The following FUBP3 variants were observed in gnomAD, a reference collection of about 807,000 sequenced individuals.
FUBP3 encodes the protein far upstream element binding protein 3.
FUBP3 carries 28 observed loss-of-function variants against 85.6 expected under a neutral mutation model. The ratio of observed to expected loss-of-function variants is 0.33; its 90% CI spans 0.24 to 0.45. The LOEUF is 0.45. Ranked by LOEUF, FUBP3 falls within the 20% of genes least tolerant of loss-of-function variation. The pLI is 1.00. For missense variants in FUBP3, 583 were observed against 755.1 expected (o/e 0.77, Z 2.67); for synonymous variants, 271 against 271.4 (o/e 1.00, Z 0.01).
At chr9:130,621,074 A>G (rs1198763387) in intron 9 of FUBP3, among the ~76,000 whole-genome samples, 1 of 152,216 alleles carries the variant, frequency 6.6e-6, no homozygotes, top group Non-Finnish European at 1.5e-5. Flanking sequence ...ATGGTTACAC[A>G]ACATTGTGAA....
Position 130,622,827 on chromosome 9 carries a change from A to C in FUBP3, c.874+17A>C, listed in dbSNP as rs752156038. On this transcript the variant is annotated intron_variant, in intron 10 of 18. Coordinates refer to ENST00000319725, the MANE Select transcript of FUBP3 (RefSeq NM_003934.2). ...TTAAACCAGGTGGGTATGATGATTT[A>C]AAAATCCTTAGTGTTAAAAAAAAAA... The C allele has an allele frequency of 7.9e-7, 1 of 1,264,902 alleles. No homozygotes were observed. Among genetic ancestry groups the C allele is most frequent in the South Asian group, 1.3e-5 (1 of 75,502 alleles). 78.4% of individuals were successfully genotyped at this position (1,264,902 alleles called of 1,614,324 possible). A position where few individuals can be genotyped will look rare whatever the true frequency, so the allele number is the denominator to read the frequency against.
intron 1 of FUBP3, among the ~76,000 whole-genome samples, chr9:130,592,791 G>T (rs776647270): frequency 6.6e-6 from 1 of 152,076 alleles, no homozygotes; most frequent in Non-Finnish European, 1.5e-5. Context: ...CAGTCATCCC[G>T]CTTTGACCTC....
intron 9 of FUBP3, among the ~76,000 whole-genome samples, chr9:130,622,320 CAA>C (rs917479721): frequency 2.0e-4 from 9 of 44,342 alleles, no homozygotes; most frequent in South Asian, 7.4e-4. Flanking sequence ...ACTCCATCTC[CAA>C]AAAAAAAAAA....
At chr9:130,605,666 A>G (rs1831388996) in intron 2 of FUBP3, among the ~76,000 whole-genome samples, 1 of 152,224 alleles carries the variant, frequency 6.6e-6, no homozygotes, top group Non-Finnish European at 1.5e-5. Flanking sequence ...CACTCACAGA[A>G]GCTTACAGTA....
chr9:130,611,919 T>C (rs902071258), intron 3 of FUBP3, among the ~76,000 whole-genome samples: 1 of 152,180 alleles, frequency 6.6e-6, no homozygotes, highest in South Asian at 2.1e-4. Context: ...CATCGGATAC[T>C]GGTTCCATTT....
chr9:130,585,678 T>C (rs1052045223), intron 1 of FUBP3, among the ~76,000 whole-genome samples: 7 of 152,254 alleles, frequency 4.6e-5, no homozygotes, highest in Non-Finnish European at 1.5e-5. Context: ...GTTTCGTAAA[T>C]GTCCTGAAGT....
intron 1 of FUBP3, chr9:130,581,758 A>G (rs1343037608): frequency 2.0e-5 from 3 of 152,172 alleles, no homozygotes; most frequent in Non-Finnish European, 2.9e-5. Context: ...TTCCCCTTTT[A>G]TGTCTCCTCA....
chr9:130,582,941 T>A (rs1167451264), intron 1 of FUBP3, among the ~76,000 whole-genome samples: 1 of 152,178 alleles, frequency 6.6e-6, no homozygotes, highest in African/African-American at 2.4e-5. Flanking sequence ...TACTAATACT[T>A]TTTAGGACTT....
chr9:130,594,831 T>C (rs1417890484), intron 1 of FUBP3, among the ~76,000 whole-genome samples: 2 of 151,814 alleles, frequency 1.3e-5, no homozygotes, highest in Non-Finnish European at 2.9e-5. Flanking sequence ...GTGAGAAAAG[T>C]TAAACTTTTT....
chr9:130,603,362 A>C (rs1378814914), intron 2 of FUBP3, among the ~76,000 whole-genome samples: 17 of 145,136 alleles, frequency 1.2e-4, no homozygotes, highest in Admixed American at 5.4e-4. Context: ...AAAAAAAAAA[A>C]AAAAAACAAA....
chr9:130,622,684 G>A (rs372051728), intron 9 of FUBP3, 24 bp from the exon 10 acceptor site: 124 of 1,170,886 alleles, frequency 1.1e-4, no homozygotes, highest in Non-Finnish European at 1.4e-4. Flanking sequence ...AAGTTCTGAT[G>A]TGGTTTGGTT....
intron 2 of FUBP3, among the ~76,000 whole-genome samples, chr9:130,603,184 T>C (rs996928430): frequency 3.3e-5 from 5 of 151,916 alleles, no homozygotes; most frequent in Admixed American, 1.3e-4. Context: ...CAGTCTCTAC[T>C]AAAAATACAA....
intron 1 of FUBP3, among the ~76,000 whole-genome samples, chr9:130,590,184 T>C (rs1437424118): frequency 1.3e-5 from 2 of 152,134 alleles, no homozygotes; most frequent in South Asian, 4.1e-4. Flanking sequence ...AATGGAACTT[T>C]AAAAACATTC....
intron 16 of FUBP3, 157 bp from the exon 17 acceptor site, chr9:130,634,510 C>G (rs1830340333): frequency 1.6e-6 from 1 of 611,432 alleles, no homozygotes; most frequent in Non-Finnish European, 2.9e-6. Flanking sequence ...CTTCCCCCAG[C>G]CCTGCCAGCT....
intron 10 of FUBP3, 36 bp downstream of exon 10, chr9:130,622,846 A>G: frequency 9.9e-7 from 1 of 1,013,220 alleles, no homozygotes; most frequent in Non-Finnish European, 1.5e-6. Flanking sequence ...TAGTGTTAAA[A>G]AAAAAAAAAA....
intron 11 of FUBP3, 147 bp from the exon 12 acceptor site, chr9:130,626,217 C>A: frequency 2.6e-6 from 2 of 778,864 alleles, no homozygotes; most frequent in Admixed American, 5.6e-5. Flanking sequence ...CTTGAAAGAG[C>A]CCTTCAGAAT....
chr9:130,583,000 C>G (rs1377514814), intron 1 of FUBP3, among the ~76,000 whole-genome samples: 2 of 152,184 alleles, frequency 1.3e-5, no homozygotes, highest in African/African-American at 4.8e-5. Context: ...CTCAATGCCT[C>G]TGGATTGTAT....
chr9:130,618,047 A>G lies in FUBP3; in HGVS notation c.666+152A>G, dbSNP rs965181904. ...TCAACAAAGTTTGGTGATGAAAAGA[A>G]TCTAGGTTTGTGCTGCCCAAAACCA... On this transcript the variant is annotated intron_variant, in intron 8 of 18. Transcript: ENST00000319725. 10 of 555,772 alleles carry G rather than the reference A, an allele frequency of 1.8e-5. No homozygotes were observed. In the African/African-American group the frequency reaches 1.9e-4, roughly 11 times the overall value. The allele number at this position is 555,772 out of a possible 1,614,324, so 34.4% of individuals were successfully genotyped here.
At chr9:130,609,626 G>A (rs1831643225) in intron 2 of FUBP3, among the ~76,000 whole-genome samples, 1 of 152,190 alleles carries the variant, frequency 6.6e-6, no homozygotes, top group African/African-American at 2.4e-5. Context: ...TTTACATTGA[G>A]TTTGGATCCA....
Sources: allele counts gnomAD v4.1 joint callset (sites outside exome capture counted in the v4.1 genomes callset), GRCh38; gene constraint gnomAD v4.1.1; transcripts MANE v1.5; gene names NCBI Gene and HGNC (gene_info 2026-07-23, HGNC 2026-07-21).